Variants in RBM18 observed in about 807,000 individuals in gnomAD.
RBM18 encodes the protein probable RNA-binding protein 18.
Under a neutral mutation model 26.4 loss-of-function variants are expected in RBM18, and 18 were observed. The ratio of observed to expected loss-of-function variants is 0.68; its 90% CI spans 0.47 to 1.01. RBM18 has a LOEUF of 1.01. RBM18 is among the 50% of genes least tolerant of loss of function. RBM18 has a pLI of 0.00. For synonymous variants in RBM18, 74 were observed against 81.1 expected, an observed-to-expected ratio of 0.91 and a Z score of 0.47; for missense variants, 180 against 219.2, an observed-to-expected ratio of 0.82 and a Z score of 1.13.
At chr9:122,247,674 G>T in intron 3 of RBM18, 70 bp from the exon 4 acceptor site, 1 of 1,145,672 alleles carries the variant, frequency 8.7e-7, no homozygotes, top group Non-Finnish European at 1.3e-6. Flanking sequence ...TTCTCACAGG[G>T]CTTCACTAGC....
At chr9:122,244,422 C>T (rs554987440) in intron 5 of RBM18, among the ~76,000 whole-genome samples, 1 of 152,288 alleles carries the variant, frequency 6.6e-6, no homozygotes, top group African/African-American at 2.4e-5. Context: ...TCCCCTGCCC[C>T]GGAACAGGTT....
chr9:122,246,404 G>C (rs541977791), intron 4 of RBM18, among the ~76,000 whole-genome samples: 1 of 152,200 alleles, frequency 6.6e-6, no homozygotes, highest in Non-Finnish European at 1.5e-5. Context: ...AGAACCGTGA[G>C]GCACAGAGAT....
chr9:122,242,121 C>T, intron 5 of RBM18, 78 bp from the exon 6 acceptor site: 2 of 1,405,760 alleles, frequency 1.4e-6, no homozygotes, highest in Non-Finnish European at 1.9e-6. Context: ...CTCCTTGAGC[C>T]TCTTGGGAAT....
At chr9:122,243,957 T>A in intron 5 of RBM18, 1 of 679,316 alleles carries the variant, frequency 1.5e-6, no homozygotes, top group Non-Finnish European at 1.8e-6. Context: ...ATGTTCATTG[T>A]AACATGAAGA....
intron 2 of RBM18, among the ~76,000 whole-genome samples, chr9:122,253,643 G>C (rs1715981131): frequency 6.6e-6 from 1 of 151,138 alleles, no homozygotes; most frequent in Non-Finnish European, 1.5e-5. Flanking sequence ...ATTCACAGCT[G>C]TATCTTCAAA....
rs371579565 is a variant in RBM18, at chr9:122,240,947, T to C, written c.*937A>G. The C allele has an allele frequency of 2.0e-5, 3 of 152,336 alleles. No individual in the cohort carries two copies. The East Asian group carries it at 5.8e-4, about 29-fold the overall frequency. 9.4% of individuals were successfully genotyped at this position (152,336 alleles called of 1,614,324 possible). On this transcript the variant is annotated 3_prime_UTR_variant, in exon 6 of 6. Transcript: ENST00000417201. Reference sequence around the variant, plus strand: ...TCCACTTAGACCGCTACACAATTATTAGAAAATTGTATGTTTGATAGTGAC... The same window carrying C: ...TCCACTTAGACCGCTACACAATTATCAGAAAATTGTATGTTTGATAGTGAC...
intron 5 of RBM18, chr9:122,243,846 A>G (rs1831462699): frequency 1.0e-6 from 1 of 984,948 alleles, no homozygotes; most frequent in African/African-American, 1.7e-5. Context: ...AGATGTTAAT[A>G]GAGAGATGTA....
chr9:122,241,746 C>T lies in RBM18; in HGVS notation c.*138G>A. On this transcript the variant is annotated 3_prime_UTR_variant, in exon 6 of 6. Transcript: ENST00000417201. ...GGGAAGAAACATCCATAAGAACATC[C>T]AAAAACATTATGTTACCAAATGCTA... 1.4e-6 allele frequency: 1 copy of T among 710,948 alleles called. No individual in the cohort carries two copies. Among genetic ancestry groups the T allele is most frequent in the Non-Finnish European group, 2.3e-6 (1 of 432,678 alleles). 44.0% of individuals were successfully genotyped at this position (710,948 alleles called of 1,614,324 possible). A position where few individuals can be genotyped will look rare whatever the true frequency, so the allele number is the denominator to read the frequency against.
rs762410056 is a variant in RBM18, at chr9:122,239,009, C to A, written c.*2875G>T. On this transcript the variant is annotated 3_prime_UTR_variant, in exon 6 of 6. Transcript: ENST00000417201. ...AGGGATAAGCATGCTGGGACTAAAT[C>A]ATATTTTAGGAACAAATGATTACAT... is the stretch of plus-strand genomic sequence containing the variant. 2 of 152,082 alleles carry A rather than the reference C, an allele frequency of 1.3e-5. No individual in the cohort carries two copies. Among genetic ancestry groups the A allele is most frequent in the African/African-American group, 2.4e-5 (1 of 41,426 alleles). 9.4% of individuals were successfully genotyped at this position (152,082 alleles called of 1,614,324 possible).
chr9:122,242,127 G>A, intron 5 of RBM18, 84 bp from the exon 6 acceptor site: 4 of 1,340,102 alleles, frequency 3.0e-6, no homozygotes, highest in East Asian at 2.4e-5. Flanking sequence ...GAGCCTCTTG[G>A]GAATATTAGA....
At chr9:122,248,245 T>C (rs1219755018) in intron 3 of RBM18, among the ~76,000 whole-genome samples, 1 of 152,192 alleles carries the variant, frequency 6.6e-6, no homozygotes, top group African/African-American at 2.4e-5. Flanking sequence ...GGATACTTAT[T>C]CCTCAGTGGT....
At chr9:122,244,917 T>C (rs376529476) in intron 5 of RBM18, among the ~76,000 whole-genome samples, 17 of 152,216 alleles carry the variant, frequency 1.1e-4, no homozygotes, top group African/African-American at 3.6e-4. Flanking sequence ...TAGTATATAA[T>C]GACAAATGCC....
At chr9:122,262,065 G>A (rs1831806924) in intron 1 of RBM18, among the ~76,000 whole-genome samples, 1 of 152,180 alleles carries the variant, frequency 6.6e-6, no homozygotes. Flanking sequence ...CTAGGCCTCA[G>A]TTTCCTCATT....
Position 122,251,974 on chromosome 9 carries a change from C to T in RBM18, c.114-1G>A, listed in dbSNP as rs1197971291. On this transcript the variant is annotated splice_acceptor_variant, in intron 2 of 5. Coordinates refer to ENST00000417201, the MANE Select transcript of RBM18 (RefSeq NM_033117.4). LOFTEE classifies it high-confidence loss of function. ...CTGGAGGAGCTTGAGGAGGTGGTAT[C>T]TGTGGAGAAAGAAGAGTCCATGAGT... The T allele has an allele frequency of 6.2e-7, 1 of 1,614,060 alleles. No individual in the cohort carries two copies. Among genetic ancestry groups the T allele is most frequent in the Non-Finnish European group, 8.5e-7 (1 of 1,179,960 alleles).
At chr9:122,245,032 C>T (rs111639458) in intron 5 of RBM18, among the ~76,000 whole-genome samples, 12 of 152,024 alleles carry the variant, frequency 7.9e-5, no homozygotes, top group African/African-American at 2.7e-4. Flanking sequence ...GTAGCTACAC[C>T]CAGTCTTTTT....
chr9:122,258,737 G>A (rs1831737787), intron 2 of RBM18, among the ~76,000 whole-genome samples: 1 of 151,892 alleles, frequency 6.6e-6, no homozygotes, highest in Non-Finnish European at 1.5e-5. Flanking sequence ...CCAGGAGTTT[G>A]ACAACAGCCT....
At chr9:122,247,403 A>G in intron 4 of RBM18, 115 bp downstream of exon 4, 1 of 840,014 alleles carries the variant, frequency 1.2e-6, no homozygotes, top group Non-Finnish European at 2.0e-6. Flanking sequence ...AGGAGACTGA[A>G]GTATGGCTGT....
chr9:122,256,042 A>T (rs1358359160), intron 2 of RBM18, among the ~76,000 whole-genome samples: 2 of 141,364 alleles, frequency 1.4e-5, no homozygotes, highest in Non-Finnish European at 1.5e-5. Flanking sequence ...AAAAGAAAAC[A>T]ACAACAACAA....
At chr9:122,256,647 AC>A (rs1477135374) in intron 2 of RBM18, among the ~76,000 whole-genome samples, 3 of 152,232 alleles carry the variant, frequency 2.0e-5, no homozygotes, top group Non-Finnish European at 4.4e-5. Flanking sequence ...AAAATAGGAT[AC>A]TTTTGGTTGT....
Sources: gnomAD v4.1 joint callset for allele counts (sites outside exome capture counted in the v4.1 genomes callset) on GRCh38, gnomAD v4.1.1 for gene constraint, MANE v1.5 for transcripts, NCBI Gene and HGNC (gene_info 2026-07-23, HGNC 2026-07-21) for gene names.